The following PGCKA1 variants were observed in gnomAD, a reference collection of about 807,000 sequenced individuals.
PGCKA1 encodes the protein PDCD10 and GCKIII kinases associated 1, also known as PDCD10 and GCKIII kinases-associated protein 1.
chr4:37,565,097 T>C, the PGCKA1 span, among the ~76,000 whole-genome samples: 2 of 152,174 alleles, frequency 1.3e-5, no homozygotes. Context: ...TCTCAAACTT[T>C]TCCCTTAAAC....
the PGCKA1 span, among the ~76,000 whole-genome samples, chr4:37,557,125 T>C: frequency 2.0e-5 from 3 of 152,384 alleles, no homozygotes; most frequent in Non-Finnish European, 2.9e-5. Context: ...CTAATAATCA[T>C]GGAGAAGTGA....
the PGCKA1 span, among the ~76,000 whole-genome samples, chr4:37,508,438 G>C: frequency 4.1e-3 from 623 of 151,822 alleles, 7 homozygotes; most frequent in African/African-American, 0.013. Context: ...TTTTCAAATA[G>C]CATGTCTTCA....
At chr4:37,472,152 C>T in the PGCKA1 span, among the ~76,000 whole-genome samples, 10 of 152,292 alleles carry the variant, frequency 6.6e-5, no homozygotes, top group South Asian at 2.1e-4. Flanking sequence ...CTAGGACTTG[C>T]GACAGTCATG....
the PGCKA1 span, among the ~76,000 whole-genome samples, chr4:37,493,228 A>G: frequency 9.8e-5 from 15 of 152,342 alleles, no homozygotes; most frequent in African/African-American, 3.4e-4. Context: ...TCACCAAGAC[A>G]CATTTAAATA....
chr4:37,587,179 AT>A, the PGCKA1 span, among the ~76,000 whole-genome samples: 4 of 152,116 alleles, frequency 2.6e-5, no homozygotes, highest in Non-Finnish European at 5.9e-5. Flanking sequence ...TCTTCTGTCT[AT>A]AATCAAATGT....
the PGCKA1 span, among the ~76,000 whole-genome samples, chr4:37,517,436 CATT>C: frequency 6.6e-6 from 1 of 151,708 alleles, no homozygotes; most frequent in South Asian, 2.1e-4. Context: ...CAATGGTTCT[CATT>C]ATGTTTTTGT....
the PGCKA1 span, among the ~76,000 whole-genome samples, chr4:37,512,243 A>G: frequency 7.0e-6 from 1 of 142,448 alleles, no homozygotes; most frequent in Admixed American, 7.0e-5. Context: ...TTGTATAGAT[A>G]GTGTCAAACT....
At chr4:37,533,008 G>A in the PGCKA1 span, among the ~76,000 whole-genome samples, 1 of 152,166 alleles carries the variant, frequency 6.6e-6, no homozygotes, top group South Asian at 2.1e-4. Flanking sequence ...CAAATGTGGT[G>A]CAGTGTGTAC....
At chr4:37,540,589 A>G in the PGCKA1 span, among the ~76,000 whole-genome samples, 78 of 152,340 alleles carry the variant, frequency 5.1e-4, no homozygotes, top group Middle Eastern at 3.4e-3. Flanking sequence ...TTCCTTGTGC[A>G]AAGTAGTGGT....
chr4:37,575,197 C>T, the PGCKA1 span, among the ~76,000 whole-genome samples: 4 of 151,812 alleles, frequency 2.6e-5, no homozygotes, highest in African/African-American at 9.7e-5. Flanking sequence ...AGTGGTTGTA[C>T]TAATTTACAT....
chr4:37,572,094 G>T, the PGCKA1 span, among the ~76,000 whole-genome samples: 1 of 120,434 alleles, frequency 8.3e-6, no homozygotes, highest in South Asian at 2.7e-4. Flanking sequence ...ACGGAGTCTC[G>T]CTCTGTCGCC....
chr4:37,522,934 A>G, the PGCKA1 span, among the ~76,000 whole-genome samples: 1 of 152,076 alleles, frequency 6.6e-6, no homozygotes, highest in African/African-American at 2.4e-5. Flanking sequence ...GCCAGGAGCC[A>G]TGCAGCCTGT....
chr4:37,471,971 G>T, the PGCKA1 span, among the ~76,000 whole-genome samples: 1 of 152,154 alleles, frequency 6.6e-6, no homozygotes, highest in Non-Finnish European at 1.5e-5. Flanking sequence ...AAGGATCTAG[G>T]ATTTCTTCTC....
chr4:37,584,229 A>G, the PGCKA1 span: 18 of 152,384 alleles, frequency 1.2e-4, no homozygotes, highest in African/African-American at 4.3e-4. Flanking sequence ...TTTCGTCAGC[A>G]GTCACACAAC....
the PGCKA1 span, among the ~76,000 whole-genome samples, chr4:37,490,449 CA>C: frequency 6.6e-6 from 1 of 152,230 alleles, no homozygotes; most frequent in East Asian, 1.9e-4. Context: ...CCAATGCTAC[CA>C]AGAAGAGCGT....
At chr4:37,504,371 G>A in the PGCKA1 span, among the ~76,000 whole-genome samples, 1 of 152,188 alleles carries the variant, frequency 6.6e-6, no homozygotes, top group Admixed American at 6.5e-5. Context: ...GATTCCTCCA[G>A]TTTTGTTCTT....
chr4:37,462,322 G>C, the PGCKA1 span, among the ~76,000 whole-genome samples: 23 of 152,180 alleles, frequency 1.5e-4, no homozygotes, highest in Non-Finnish European at 2.5e-4. Context: ...ATGTGATTCA[G>C]CCAAAACTTG....
chr4:37,534,042 G>A, the PGCKA1 span, among the ~76,000 whole-genome samples: 2 of 152,182 alleles, frequency 1.3e-5, no homozygotes. Flanking sequence ...TGTTGCTTGG[G>A]GGAAAAGCAA....
the PGCKA1 span, among the ~76,000 whole-genome samples, chr4:37,585,193 GGAGGAGAGGTA>G: frequency 3.1e-5 from 1 of 32,440 alleles, no homozygotes; most frequent in East Asian, 1.3e-3. Context: ...AGGGGAGGGT[GGAGGAGAGGTA>G]TTGAGGGAGG....
Sources: gnomAD v4.1 joint callset for allele counts (sites outside exome capture counted in the v4.1 genomes callset) on GRCh38, gnomAD v4.1.1 for gene constraint, MANE v1.5 for transcripts, NCBI Gene and HGNC (gene_info 2026-07-23, HGNC 2026-07-21) for gene names.